Variants in CRYZL1 observed in about 807,000 individuals in gnomAD.
CRYZL1 encodes the protein ferry endosomal RAB5 effector complex subunit 4.
CRYZL1 carries 34 observed loss-of-function variants against 50.6 expected under a neutral mutation model. That is an observed-to-expected ratio of 0.67 (90% CI 0.51 to 0.89). CRYZL1 has a LOEUF of 0.89. CRYZL1 is among the 40% of genes least tolerant of loss of function. The pLI, the probability that CRYZL1 is intolerant of heterozygous loss-of-function variation, is 0.00. For missense variants in CRYZL1, 354 were observed against 402.3 expected, an observed-to-expected ratio of 0.88 and a Z score of 1.03; for synonymous variants, 125 against 134.3, an observed-to-expected ratio of 0.93 and a Z score of 0.48.
intron 8 of CRYZL1, among the ~76,000 whole-genome samples, chr21:33,599,890 C>A (rs1569083188): frequency 6.6e-6 from 1 of 151,994 alleles, no homozygotes; most frequent in Admixed American, 6.6e-5. Flanking sequence ...CTGCCTTGGC[C>A]TCCTAAATCC....
At chr21:33,596,459 G>GA (rs1019980008) in intron 10 of CRYZL1, among the ~76,000 whole-genome samples, 1 of 151,946 alleles carries the variant, frequency 6.6e-6, no homozygotes, top group Non-Finnish European at 1.5e-5. Context: ...TCAACATGGT[G>GA]AAACCCTGTC....
intron 1 of CRYZL1, among the ~76,000 whole-genome samples, chr21:33,635,501 C>A (rs2087195538): frequency 1.3e-5 from 2 of 151,550 alleles, no homozygotes; most frequent in South Asian, 4.2e-4. Flanking sequence ...CAGGCGCCCA[C>A]CACCACACCT....
rs764185960 is a variant in CRYZL1 at position 33,600,933 on chromosome 21, G to GTTT, written c.577+1298_577+1300dup. 3.8e-3 allele frequency among the ~76,000 whole-genome samples: 228 copies of GTTT among 59,562 alleles called. 68 individuals are homozygous for GTTT. Among genetic ancestry groups the GTTT allele is most frequent in the Middle Eastern group, 0.019 (1 of 52 alleles). The allele number at this position is 59,562 out of a possible 152,430, so 39.1% of individuals were successfully genotyped here. On this transcript the variant is annotated intron_variant, in intron 8 of 12. Transcript: ENST00000381554. ...TGAGCCACTGTGCCCGGTCCATAAA[G>GTTT]TTTTTTTTTTTTTTTTTTTTGGGGG...
At chr21:33,636,504 T>G (rs1400257528) in intron 1 of CRYZL1, among the ~76,000 whole-genome samples, 1 of 152,212 alleles carries the variant, frequency 6.6e-6, no homozygotes, top group Non-Finnish European at 1.5e-5. Flanking sequence ...AACTGAGGAT[T>G]ATGTTAGTAA....
chr21:33,618,942 T>C (rs2086965707), intron 4 of CRYZL1, among the ~76,000 whole-genome samples: 1 of 152,204 alleles, frequency 6.6e-6, no homozygotes, highest in Non-Finnish European at 1.5e-5. Flanking sequence ...AATTCTATTA[T>C]TTCAAATACA....
rs1329670396 is a variant in CRYZL1 at position 33,600,948 on chromosome 21, TTTTTTG to T, written c.577+1280_577+1285del. The stretch of plus-strand genomic sequence containing the variant: ...GGTCCATAAAGTTTTTTTTTTTTTT[TTTTTTG>T]GGGGCGGACTGTCGCTCTGTTGCCC... On this transcript the variant is annotated intron_variant, in intron 8 of 12. Transcript: ENST00000381554. Among the ~76,000 whole-genome samples, 7 of 125,114 alleles carry T rather than the reference TTTTTTG, an allele frequency of 5.6e-5. 2 individuals are homozygous for T. The highest frequency in any genetic ancestry group is 1.2e-4 in the Non-Finnish European group (7 of 60,518). The allele number at this position is 125,114 out of a possible 152,430, so 82.1% of individuals were successfully genotyped here.
At chr21:33,596,639 A>AAAAAATAC (rs1215125622) in intron 10 of CRYZL1, among the ~76,000 whole-genome samples, 2 of 151,806 alleles carry the variant, frequency 1.3e-5, no homozygotes, top group Non-Finnish European at 2.9e-5. Flanking sequence ...ACTTTGTTCC[A>AAAAAATAC]AAAAATAAAA....
At chr21:33,623,016 A>G (rs2087020252) in intron 3 of CRYZL1, among the ~76,000 whole-genome samples, 1 of 145,054 alleles carries the variant, frequency 6.9e-6, no homozygotes, top group Non-Finnish European at 1.5e-5. Flanking sequence ...CCCAGGCTGG[A>G]GTGCAGTGGT....
intron 10 of CRYZL1, among the ~76,000 whole-genome samples, chr21:33,597,009 A>G (rs1328593635): frequency 6.6e-6 from 1 of 151,998 alleles, no homozygotes; most frequent in Non-Finnish European, 1.5e-5. Context: ...AGCTGGGAAT[A>G]TAAGCCTGTG....
At chr21:33,614,624 T>G (rs1601338279) in intron 5 of CRYZL1, among the ~76,000 whole-genome samples, 1 of 152,014 alleles carries the variant, frequency 6.6e-6, no homozygotes, top group Non-Finnish European at 1.5e-5. Flanking sequence ...TAGGCTGGAG[T>G]GCAATGGCGC....
intron 1 of CRYZL1, among the ~76,000 whole-genome samples, chr21:33,634,967 T>G (rs1159324485): frequency 6.6e-6 from 1 of 151,778 alleles, no homozygotes; most frequent in Non-Finnish European, 1.5e-5. Flanking sequence ...AGGTGAAAAT[T>G]GCCCTGGTTG....
At chr21:33,618,288 CA>C (rs35810127) in intron 4 of CRYZL1, among the ~76,000 whole-genome samples, 314 of 91,260 alleles carry the variant, frequency 3.4e-3, no homozygotes, top group South Asian at 8.1e-3. Flanking sequence ...GACTCCGTCT[CA>C]AAAAAAAAAA....
chr21:33,614,866 A>C (rs373324480), intron 5 of CRYZL1, among the ~76,000 whole-genome samples: 1 of 152,056 alleles, frequency 6.6e-6, no homozygotes, highest in African/African-American at 2.4e-5. Flanking sequence ...CACTACACCC[A>C]GCCAGAGTAT....
At chr21:33,617,988 T>C (rs1344385593) in intron 4 of CRYZL1, among the ~76,000 whole-genome samples, 1 of 152,164 alleles carries the variant, frequency 6.6e-6, no homozygotes, top group African/African-American at 2.4e-5. Context: ...AGAAGTTTTC[T>C]GGAACTTTAT....
Position 33,593,372 on chromosome 21 carries a change from C to T in CRYZL1, c.905-2165G>A, listed in dbSNP as rs181209835. Among the ~76,000 whole-genome samples, 14 of 152,182 alleles carry T rather than the reference C, an allele frequency of 9.2e-5. No homozygotes were observed. The East Asian group carries it at 1.9e-3, about 21-fold the overall frequency. On this transcript the variant is annotated intron_variant, in intron 11 of 12. Transcript: ENST00000381554. ...CCGCCCACCTTGGCCTCCCAAAGTG[C>T]TGGGATTACAGGCGTGAGCCACCAC...
At chr21:33,641,144 G>T (rs1029471421) in intron 1 of CRYZL1, 2 of 1,549,266 alleles carry the variant, frequency 1.3e-6, no homozygotes, top group South Asian at 1.2e-5. Context: ...CAGATGTTCG[G>T]CCCCGACCCA....
At chr21:33,614,321 C>T (rs2086904648) in intron 5 of CRYZL1, among the ~76,000 whole-genome samples, 1 of 151,760 alleles carries the variant, frequency 6.6e-6, no homozygotes, top group South Asian at 2.1e-4. Context: ...CTCATCTCTA[C>T]AGAAGAAAAA....
At chr21:33,596,192 C>T (rs1476197223) in intron 10 of CRYZL1, 2 of 496,264 alleles carry the variant, frequency 4.0e-6, no homozygotes, top group Non-Finnish European at 8.1e-6. Context: ...AAATATGTAA[C>T]TAGAATGCTG....
intron 2 of CRYZL1, among the ~76,000 whole-genome samples, chr21:33,628,390 GA>G (rs1443426105): frequency 6.6e-6 from 1 of 152,134 alleles, no homozygotes; most frequent in African/African-American, 2.4e-5. Flanking sequence ...TGAGTCTGTA[GA>G]GGGCTTTGGG....
Sources: allele counts gnomAD v4.1 joint callset (sites outside exome capture counted in the v4.1 genomes callset), GRCh38; gene constraint gnomAD v4.1.1; transcripts MANE v1.5; gene names NCBI Gene and HGNC (gene_info 2026-07-23, HGNC 2026-07-21).